The following NCEH1 variants were observed in gnomAD, a reference collection of about 807,000 sequenced individuals.
NCEH1 encodes the protein neutral cholesterol ester hydrolase 1, also known as 2-acetyl MAGE hydrolase.
A neutral mutation model predicts 25.4 loss-of-function variants in NCEH1; 9 were observed. The ratio of observed to expected loss-of-function variants is 0.35; its 90% CI spans 0.21 to 0.62. The LOEUF (loss-of-function observed/expected upper bound fraction) is 0.62, where lower values mean the gene tolerates loss of function less well. NCEH1 is among the 20% of genes least tolerant of loss of function. The pLI is 0.72. For missense variants in NCEH1, 412 were observed against 501.1 expected (o/e 0.82, Z 1.70); for synonymous variants, 200 against 199.8 (o/e 1.00, Z -0.01).
At chr3:172,670,881 G>A (rs1711572982) in intron 1 of NCEH1, among the ~76,000 whole-genome samples, 2 of 152,062 alleles carry the variant, frequency 1.3e-5, no homozygotes, top group African/African-American at 2.4e-5. Flanking sequence ...GAGAATAATG[G>A]AAGATTTTTC....
intron 1 of NCEH1, among the ~76,000 whole-genome samples, chr3:172,656,959 T>C (rs1252311701): frequency 6.6e-6 from 1 of 152,084 alleles, no homozygotes; most frequent in East Asian, 1.9e-4. Context: ...TTCTTGAAAC[T>C]TTCTTCCCTC....
chr3:172,653,767 T>TTTTTTTTTTTTTTTTTTG (rs1717558050), intron 1 of NCEH1, among the ~76,000 whole-genome samples: 2 of 84,796 alleles, frequency 2.4e-5, no homozygotes, highest in South Asian at 4.8e-4. Context: ...TTTGTTTTTT[T>TTTTTTTTTTTTTTTTTTG]TTTTTTTTGA....
chr3:172,644,395 G>A (rs987485751), intron 3 of NCEH1, among the ~76,000 whole-genome samples: 8 of 152,178 alleles, frequency 5.3e-5, no homozygotes, highest in Admixed American at 2.6e-4. Flanking sequence ...TGAACAGGAG[G>A]ATAGCTGACA....
At chr3:172,669,442 T>G (rs1718381873) in intron 1 of NCEH1, among the ~76,000 whole-genome samples, 1 of 152,246 alleles carries the variant, frequency 6.6e-6, no homozygotes, top group African/African-American at 2.4e-5. Flanking sequence ...CTTCTAAAAC[T>G]TATTAGGAAA....
At chr3:172,669,513 A>G (rs1711507980) in intron 1 of NCEH1, among the ~76,000 whole-genome samples, 1 of 152,196 alleles carries the variant, frequency 6.6e-6, no homozygotes, top group Admixed American at 6.5e-5. Context: ...TCCAGGTATT[A>G]ACAGATTTTG....
chr3:172,686,034 C>A (rs1334841484), intron 1 of NCEH1, among the ~76,000 whole-genome samples: 1 of 152,226 alleles, frequency 6.6e-6, no homozygotes, highest in Non-Finnish European at 1.5e-5. Flanking sequence ...CCCAGCAATT[C>A]TCCTCTCAGA....
At chr3:172,680,819 T>C (rs1461478542) in intron 1 of NCEH1, 1 of 151,470 alleles carries the variant, frequency 6.6e-6, no homozygotes, top group African/African-American at 2.4e-5. Context: ...CACAGCAGAG[T>C]GGTCAGACAG....
chr3:172,639,022 C>A, intron 3 of NCEH1, among the ~76,000 whole-genome samples: 1 of 152,170 alleles, frequency 6.6e-6, no homozygotes, highest in Non-Finnish European at 1.5e-5. Context: ...GGCACGGTGG[C>A]TCACCAGCAC....
chr3:172,663,704 AC>A (rs1718073040), intron 1 of NCEH1, among the ~76,000 whole-genome samples: 2 of 152,028 alleles, frequency 1.3e-5, no homozygotes, highest in South Asian at 4.1e-4. Flanking sequence ...TGATCCCTTT[AC>A]CATTATGTAA....
intron 1 of NCEH1, among the ~76,000 whole-genome samples, chr3:172,664,173 A>G (rs1718096497): frequency 6.6e-6 from 1 of 152,190 alleles, no homozygotes; most frequent in Non-Finnish European, 1.5e-5. Context: ...AAAATCTCTC[A>G]GCATTTGCTT....
At position 172,699,089 on chromosome 3, in the gene NCEH1, C is replaced by T. The variant is rs186174991; in HGVS notation, c.138+11758G>A. Among the ~76,000 whole-genome samples, 17 of 152,176 alleles carry T rather than the reference C, an allele frequency of 1.1e-4. No homozygotes were observed. In the East Asian group the frequency reaches 2.5e-3, roughly 22 times the overall value. On this transcript the variant is annotated intron_variant, in intron 1 of 4. Transcript: ENST00000475381. ...TAAGGGCCATAAAAGAAAACCAAAA[C>T]GCTAGCAGAGTGTTGAGAGAGAAAT...
At chr3:172,638,563 T>G (rs1716708209) in intron 3 of NCEH1, among the ~76,000 whole-genome samples, 1 of 150,192 alleles carries the variant, frequency 6.7e-6, no homozygotes, top group Non-Finnish European at 1.5e-5. Context: ...TGGGTCTCAA[T>G]TTTTAATCTT....
chr3:172,654,995 G>A (rs1245817131), intron 1 of NCEH1, among the ~76,000 whole-genome samples: 1 of 152,238 alleles, frequency 6.6e-6, no homozygotes, highest in Non-Finnish European at 1.5e-5. Flanking sequence ...GTAGAGGTAT[G>A]GAACCAAGCC....
Position 172,658,298 on chromosome 3 carries a change from T to C in NCEH1, c.139-10184A>G, listed in dbSNP as rs565546708. Among the ~76,000 whole-genome samples, 17 of 152,248 alleles carry C rather than the reference T, an allele frequency of 1.1e-4. No individual in the cohort carries two copies. The East Asian group carries it at 2.7e-3, about 24-fold the overall frequency. On this transcript the variant is annotated intron_variant, in intron 1 of 4. Coordinates refer to ENST00000475381, the MANE Select transcript of NCEH1 (RefSeq NM_020792.6). ...CTACCCTTGTTTAGCGCATAAGAAA[T>C]AACCATAAAAATGGGCACCTGCTCA...
At chr3:172,703,783 A>T (rs1471498826) in intron 1 of NCEH1, among the ~76,000 whole-genome samples, 1 of 152,196 alleles carries the variant, frequency 6.6e-6, no homozygotes, top group Non-Finnish European at 1.5e-5. Context: ...GCATTATCTT[A>T]CACACCAGGT....
chr3:172,666,409 C>G (rs1293701755), intron 1 of NCEH1, among the ~76,000 whole-genome samples: 2 of 152,200 alleles, frequency 1.3e-5, no homozygotes, highest in East Asian at 3.9e-4. Context: ...AAACCAGACA[C>G]TGCCCCCTGC....
At chr3:172,704,223 T>C (rs1713854060) in intron 1 of NCEH1, among the ~76,000 whole-genome samples, 2 of 152,150 alleles carry the variant, frequency 1.3e-5, no homozygotes, top group African/African-American at 4.8e-5. Context: ...CTCAACAAGT[T>C]TGGGGACATT....
chr3:172,706,818 T>G (rs1714029167), intron 1 of NCEH1, among the ~76,000 whole-genome samples: 1 of 152,080 alleles, frequency 6.6e-6, no homozygotes, highest in African/African-American at 2.4e-5. Flanking sequence ...GTTTAAATGG[T>G]GCTGCAAATA....
chr3:172,693,589 G>A (rs571130903), intron 1 of NCEH1, among the ~76,000 whole-genome samples: 9 of 152,292 alleles, frequency 5.9e-5, no homozygotes, highest in African/African-American at 2.2e-4. Flanking sequence ...CTCGAAATAT[G>A]CTTTGAGAGA....
Sources: allele counts gnomAD v4.1 joint callset (sites outside exome capture counted in the v4.1 genomes callset), GRCh38; gene constraint gnomAD v4.1.1; transcripts MANE v1.5; gene names NCBI Gene and HGNC (gene_info 2026-07-23, HGNC 2026-07-21).